CSMD1: variants seen among roughly 807,000 people sequenced by gnomAD.
CSMD1 encodes CUB and Sushi multiple domains 1, also known as CUB and sushi domain-containing protein 1.
Under a neutral mutation model 417.5 loss-of-function variants are expected in CSMD1, and 213 were observed. The observed-to-expected ratio is 0.51, with a 90% CI of 0.46 to 0.57. The LOEUF (loss-of-function observed/expected upper bound fraction) is 0.57, where lower values mean the gene tolerates loss of function less well. Among genes scored for constraint, CSMD1 ranks in the 20% least tolerant of loss-of-function variants. The pLI, the probability that CSMD1 is intolerant of heterozygous loss-of-function variation, is 0.00. For synonymous variants in CSMD1, 2,862 were observed against 1,736.8 expected, an observed-to-expected ratio of 1.65 and a Z score of -16.11; for missense variants, 6,923 against 4,529.7, an observed-to-expected ratio of 1.53 and a Z score of -15.17.
chr8:4,611,109 T>C (rs1272463206), intron 2 of CSMD1, among the ~76,000 whole-genome samples: 1 of 152,176 alleles, frequency 6.6e-6, no homozygotes, highest in East Asian at 1.9e-4. Flanking sequence ...TGCACTCTTC[T>C]CCACAGAGAT....
At chr8:4,730,633 C>T (rs550877028) in intron 1 of CSMD1, among the ~76,000 whole-genome samples, 1 of 151,688 alleles carries the variant, frequency 6.6e-6, no homozygotes, top group Non-Finnish European at 1.5e-5. Flanking sequence ...CCCAGCTACT[C>T]GGGAGGCTGA....
chr8:3,726,414 G>A (rs1474888253), intron 6 of CSMD1, among the ~76,000 whole-genome samples: 1 of 152,192 alleles, frequency 6.6e-6, no homozygotes, highest in Non-Finnish European at 1.5e-5. Context: ...AATTAGAAAG[G>A]ATGGAATGAG....
Position 3,336,527 on chromosome 8 carries a change from G to T in CSMD1, c.3631+6767C>A, listed in dbSNP as rs914177291. On this transcript the variant is annotated intron_variant, in intron 23 of 69. Transcript: ENST00000635120. ...TGCTTCACAGATAAAATCAACACTG[G>T]GAAAAAGTGTGGTGGTTGGGATTGA... 2.0e-5 allele frequency among the ~76,000 whole-genome samples: 3 copies of T among 152,266 alleles called. No homozygotes were observed. The East Asian group carries it at 5.8e-4, about 29-fold the overall frequency.
rs1251430282 is a variant in CSMD1 at position 3,931,002 on chromosome 8, T to G, written c.818+66901A>C. On this transcript the variant is annotated intron_variant, in intron 5 of 69. Coordinates refer to ENST00000635120, the MANE Select transcript of CSMD1 (RefSeq NM_033225.6). ...GGAATATCATCTTATTTAAAGGTGT[T>G]AACTAGCCATAGTGCTAATTTCCAC... 3.3e-5 allele frequency among the ~76,000 whole-genome samples: 5 copies of G among 150,622 alleles called. 1 individual carries two copies. Among genetic ancestry groups the G allele is most frequent in the African/African-American group, 1.2e-4 (5 of 40,852 alleles).
rs533114990 is a variant in CSMD1 at position 4,522,302 on chromosome 8, C to T, written c.303-102237G>A. 2.6e-5 allele frequency among the ~76,000 whole-genome samples: 4 copies of T among 152,294 alleles called. No homozygotes were observed. The South Asian group carries it at 8.3e-4, about 32-fold the overall frequency. On this transcript the variant is annotated intron_variant, in intron 2 of 69. Transcript: ENST00000635120. ...CTTGCCTTCTGCCATAATTGTGAGG[C>T]CTCCCCAGCCATGTGGAACTGTGAG...
chr8:3,135,192 T>C (rs1818007877), intron 41 of CSMD1, among the ~76,000 whole-genome samples: 1 of 152,204 alleles, frequency 6.6e-6, no homozygotes, highest in Non-Finnish European at 1.5e-5. Context: ...CTGCAATTTA[T>C]TTTTAATATA....
chr8:4,003,761 C>T (rs1322944930), intron 4 of CSMD1, among the ~76,000 whole-genome samples: 3 of 152,216 alleles, frequency 2.0e-5, no homozygotes, highest in Admixed American at 6.5e-5. Flanking sequence ...GGCTCATATA[C>T]GCCGGCAAAT....
chr8:2,945,028 G>A (rs899017414), intron 68 of CSMD1, among the ~76,000 whole-genome samples: 11 of 151,908 alleles, frequency 7.2e-5, no homozygotes, highest in African/African-American at 2.7e-4. Context: ...TCACATGCCT[G>A]CAGCTCCTAG....
chr8:3,568,671 C>T (rs1447664678), intron 10 of CSMD1, among the ~76,000 whole-genome samples: 1 of 151,930 alleles, frequency 6.6e-6, no homozygotes, highest in Non-Finnish European at 1.5e-5. Context: ...ACCTCTCATT[C>T]CAGCTGATAT....
intron 3 of CSMD1, among the ~76,000 whole-genome samples, chr8:4,115,799 A>C (rs1585345805): frequency 6.6e-6 from 1 of 151,988 alleles, no homozygotes; most frequent in African/African-American, 2.4e-5. Context: ...GGTGGAATGT[A>C]AATCATATTT....
chr8:4,960,970 A>G (rs1809438471), intron 1 of CSMD1, among the ~76,000 whole-genome samples: 1 of 152,114 alleles, frequency 6.6e-6, no homozygotes, highest in Admixed American at 6.5e-5. Flanking sequence ...CACTTAGCCC[A>G]TCTTATCTAT....
chr8:4,047,624 G>C (rs1339115518), intron 3 of CSMD1, among the ~76,000 whole-genome samples: 1 of 152,034 alleles, frequency 6.6e-6, no homozygotes, highest in Non-Finnish European at 1.5e-5. Flanking sequence ...CCAGGCACTA[G>C]GAATGCAATA....
At chr8:3,494,891 G>A (rs74657086) in intron 10 of CSMD1, among the ~76,000 whole-genome samples, 5,593 of 152,178 alleles carry the variant, frequency 0.037, 268 homozygotes, top group East Asian at 0.13. Flanking sequence ...AAAGAAAAGA[G>A]TAAGTGGTAG....
intron 1 of CSMD1, among the ~76,000 whole-genome samples, chr8:4,823,554 C>G (rs962041018): frequency 6.6e-6 from 1 of 152,004 alleles, no homozygotes; most frequent in Non-Finnish European, 1.5e-5. Context: ...TCCAAGCCCT[C>G]GTAGTATATG....
intron 5 of CSMD1, among the ~76,000 whole-genome samples, chr8:3,800,353 G>C (rs371393191): frequency 6.6e-6 from 1 of 151,944 alleles, no homozygotes; most frequent in Non-Finnish European, 1.5e-5. Flanking sequence ...TTATTGTTCC[G>C]GAAGTGTTTT....
chr8:3,686,036 C>G (rs922339906), intron 7 of CSMD1, among the ~76,000 whole-genome samples: 1 of 152,094 alleles, frequency 6.6e-6, no homozygotes, highest in Non-Finnish European at 1.5e-5. Flanking sequence ...CATTAACCAA[C>G]CAATGCTCCT....
intron 18 of CSMD1, 89 bp downstream of exon 18, chr8:3,387,405 C>A (rs1433121374): frequency 2.7e-6 from 3 of 1,110,776 alleles, no homozygotes; most frequent in African/African-American, 1.6e-5. Flanking sequence ...GGTACCACCC[C>A]CTGAAATACA....
intron 2 of CSMD1, among the ~76,000 whole-genome samples, chr8:4,469,405 G>A (rs866296548): frequency 3.9e-5 from 6 of 152,162 alleles, no homozygotes; most frequent in African/African-American, 9.7e-5. Flanking sequence ...GCATTCTGCC[G>A]TATTTTCAGA....
chr8:4,267,772 A>ATT (rs1245761028), intron 3 of CSMD1, among the ~76,000 whole-genome samples: 1 of 152,134 alleles, frequency 6.6e-6, no homozygotes, highest in Non-Finnish European at 1.5e-5. Context: ...CAGAATGCAT[A>ATT]TTTTATATTG....
Sources: allele counts gnomAD v4.1 joint callset (sites outside exome capture counted in the v4.1 genomes callset), GRCh38; gene constraint gnomAD v4.1.1; transcripts MANE v1.5; gene names NCBI Gene and HGNC (gene_info 2026-07-23, HGNC 2026-07-21).